Variants in ZC3H12B observed in about 807,000 individuals in gnomAD.
ZC3H12B encodes the protein probable ribonuclease ZC3H12B.
ZC3H12B carries 7 observed loss-of-function variants against 43.9 expected under a neutral mutation model. The ratio of observed to expected loss-of-function variants is 0.16; its 90% confidence interval spans 0.09 to 0.30. ZC3H12B has a LOEUF of 0.30. Among genes scored for constraint, ZC3H12B ranks in the 10% least tolerant of loss-of-function variants. ZC3H12B has a pLI of 1.00. For synonymous variants in ZC3H12B, 222 were observed against 241.7 expected (o/e 0.92, Z 0.76); for missense variants, 475 against 670.2 (o/e 0.71, Z 3.22).
At chrX:65,487,176 G>A (rs764157463), upstream of ZC3H12B, among the ~76,000 whole-genome samples, 1 of 112,792 alleles carries the variant, frequency 8.9e-6, no homozygotes, top group African/African-American at 3.2e-5. Context: ...GTTTCCAAAT[G>A]TGATTCCTAA....
chrX:65,231,214 C>G, the ZC3H12B span, among the ~76,000 whole-genome samples: 1 of 110,330 alleles, frequency 9.1e-6, no homozygotes, highest in African/African-American at 3.3e-5. Context: ...AGGGGGTGTA[C>G]GAATAGGGAG....
At chrX:65,406,813 C>T (rs1298007576) in intron 3 of ZC3H12B, among the ~76,000 whole-genome samples, 1 of 112,732 alleles carries the variant, frequency 8.9e-6, no homozygotes, top group Non-Finnish European at 1.9e-5. Context: ...GCCACCCCAC[C>T]CTCGCACGGC....
chrX:65,478,603 C>G (rs2068025928), intron 3 of ZC3H12B, among the ~76,000 whole-genome samples: 1 of 112,191 alleles, frequency 8.9e-6, no homozygotes, highest in Non-Finnish European at 1.9e-5. Context: ...TATTTGTCAG[C>G]TATTGGTTCA....
chrX:65,061,371 G>T, the ZC3H12B span, among the ~76,000 whole-genome samples: 1 of 111,616 alleles, frequency 9.0e-6, no homozygotes, highest in African/African-American at 3.3e-5. Context: ...CTTTGTTCAT[G>T]TATTCTCATT....
chrX:65,081,680 T>C, the ZC3H12B span, among the ~76,000 whole-genome samples: 7 of 111,759 alleles, frequency 6.3e-5, no homozygotes, highest in Admixed American at 1.9e-4. Context: ...AATACAATAA[T>C]AGCTAGAGAC....
At chrX:65,317,737 CCTATTTTGTGTGTGTGTGTAT>C in the ZC3H12B span, among the ~76,000 whole-genome samples, 1 of 103,036 alleles carries the variant, frequency 9.7e-6, no homozygotes, top group Non-Finnish European at 2.0e-5. Context: ...TGAGTAGTAT[CCTATTTTGTGTGTGTGTGTAT>C]ACACACACAC....
intron 3 of ZC3H12B, among the ~76,000 whole-genome samples, chrX:65,406,141 A>G (rs759007850): frequency 1.1e-4 from 12 of 111,551 alleles, no homozygotes; most frequent in Admixed American, 1.9e-4. Flanking sequence ...AATTCATTAT[A>G]TGAAGTCAGC....
intron 2 of ZC3H12B, among the ~76,000 whole-genome samples, chrX:65,390,048 C>G (rs1019946861): frequency 8.9e-6 from 1 of 112,082 alleles, no homozygotes; most frequent in Non-Finnish European, 1.9e-5. Context: ...AATTGTGGCA[C>G]ATATACACCA....
chrX:65,368,803 T>C (rs2066207790), intron 1 of ZC3H12B, 26 bp from the exon 4 acceptor site: 1 of 112,547 alleles, frequency 8.9e-6, no homozygotes, highest in African/African-American at 3.2e-5. Context: ...GTTTGCCTTC[T>C]GCTCATTGAA....
At chrX:65,212,215 A>G in the ZC3H12B span, among the ~76,000 whole-genome samples, 1 of 47,465 alleles carries the variant, frequency 2.1e-5, no homozygotes, top group Non-Finnish European at 3.4e-5. Flanking sequence ...TATATAATAT[A>G]TTATATATTA....
At chrX:65,157,919 C>G in the ZC3H12B span, among the ~76,000 whole-genome samples, 1 of 68,127 alleles carries the variant, frequency 1.5e-5, no homozygotes, top group Non-Finnish European at 2.8e-5. Flanking sequence ...CTATCCCTCC[C>G]CCCTCCCCCC....
At chrX:65,189,993 T>C in the ZC3H12B span, among the ~76,000 whole-genome samples, 1 of 110,690 alleles carries the variant, frequency 9.0e-6, no homozygotes, top group South Asian at 3.7e-4. Context: ...AAGGAAGGGA[T>C]CCAGTTTCAG....
chrX:65,201,548 A>T, the ZC3H12B span, among the ~76,000 whole-genome samples: 1 of 105,259 alleles, frequency 9.5e-6, no homozygotes, highest in East Asian at 3.0e-4. Context: ...TATCTTTTTC[A>T]GTTCAGTTCT....
the ZC3H12B span, among the ~76,000 whole-genome samples, chrX:65,211,444 C>T: frequency 1.9e-5 from 2 of 107,298 alleles, 1 homozygote; most frequent in Non-Finnish European, 3.8e-5. Flanking sequence ...TTCTAGGCAC[C>T]ATGCTAAATT....
At chrX:65,228,078 C>CA in the ZC3H12B span, among the ~76,000 whole-genome samples, 1 of 111,128 alleles carries the variant, frequency 9.0e-6, no homozygotes, top group Admixed American at 9.6e-5. Flanking sequence ...GAGACACAAC[C>CA]AAAAAAGAGA....
the ZC3H12B span, among the ~76,000 whole-genome samples, chrX:65,056,703 CATT>C: frequency 9.0e-6 from 1 of 110,971 alleles, no homozygotes; most frequent in African/African-American, 3.3e-5. Flanking sequence ...TAAAATCTCC[CATT>C]ATTATTGTGT....
At chrX:65,035,734 CAGTGTTG>C in the ZC3H12B span, among the ~76,000 whole-genome samples, 3 of 111,233 alleles carry the variant, frequency 2.7e-5, no homozygotes, top group South Asian at 1.1e-3. Context: ...CCTTACTTTT[CAGTGTTG>C]TTGCTACTCG....
chrX:65,320,079 C>T, the ZC3H12B span, among the ~76,000 whole-genome samples: 1 of 111,008 alleles, frequency 9.0e-6, no homozygotes, highest in Non-Finnish European at 1.9e-5. Flanking sequence ...AGACATAGCA[C>T]ACAAATAAGA....
intron 3 of ZC3H12B, among the ~76,000 whole-genome samples, chrX:65,437,511 T>C (rs781377380): frequency 1.8e-5 from 2 of 112,591 alleles, no homozygotes; most frequent in South Asian, 3.6e-4. Context: ...GTCAAGCACA[T>C]TTTCATATGT....
Sources: gnomAD v4.1 joint callset for allele counts (sites outside exome capture counted in the v4.1 genomes callset) on GRCh38, gnomAD v4.1.1 for gene constraint, MANE v1.5 for transcripts, NCBI Gene and HGNC (gene_info 2026-07-23, HGNC 2026-07-21) for gene names.